The following NCAM1 variants were observed in gnomAD, a reference collection of about 807,000 sequenced individuals.
The protein encoded by NCAM1 is neural cell adhesion molecule 1.
NCAM1 carries 14 observed loss-of-function variants against 109.8 expected under a neutral mutation model. The ratio of observed to expected loss-of-function variants is 0.13; its 90% CI spans 0.08 to 0.20. The LOEUF is 0.20. Among genes scored for constraint, NCAM1 ranks in the 10% least tolerant of loss-of-function variants. NCAM1 has a pLI of 1.00. For synonymous variants in NCAM1, 418 were observed against 442.9 expected (o/e 0.94, Z 0.70); for missense variants, 774 against 1,109.9 (o/e 0.70, Z 4.30).
At chr11:113,151,178 T>A (rs947891427) in intron 1 of NCAM1, among the ~76,000 whole-genome samples, 21 of 152,190 alleles carry the variant, frequency 1.4e-4, no homozygotes, top group African/African-American at 5.1e-4. Flanking sequence ...TGGCTCTTAA[T>A]GACCTGAATC....
chr11:113,116,526 G>A (rs782108075), intron 1 of NCAM1, among the ~76,000 whole-genome samples: 1 of 152,208 alleles, frequency 6.6e-6, no homozygotes, highest in Non-Finnish European at 1.5e-5. Flanking sequence ...AATAAAATGC[G>A]TATTTGCATC....
At chr11:113,201,014 CT>C (rs1248705888) in intron 1 of NCAM1, among the ~76,000 whole-genome samples, 1 of 152,144 alleles carries the variant, frequency 6.6e-6, no homozygotes, top group Admixed American at 6.5e-5. Context: ...CATCTTCCCC[CT>C]GCCTCTGCCC....
chr11:113,262,594 C>A (rs1555123571), intron 17 of NCAM1, among the ~76,000 whole-genome samples: 3 of 152,228 alleles, frequency 2.0e-5, no homozygotes, highest in South Asian at 2.1e-4. Flanking sequence ...CCCTCTCTAA[C>A]CTTTGTCAAT....
intron 1 of NCAM1, among the ~76,000 whole-genome samples, chr11:113,048,455 C>G (rs575225853): frequency 6.6e-6 from 1 of 152,278 alleles, no homozygotes; most frequent in African/African-American, 2.4e-5. Flanking sequence ...AAACTGCTAC[C>G]TGTGGTTGAA....
intron 1 of NCAM1, among the ~76,000 whole-genome samples, chr11:113,169,064 GTGTGTGTC>G (rs781791612): frequency 0.068 from 10,025 of 147,984 alleles, 373 homozygotes; most frequent in East Asian, 0.083. Flanking sequence ...GTGTGTGTGT[GTGTGTGTC>G]TGTGTGTGTG....
At chr11:113,077,212 A>C (rs1262040575) in intron 1 of NCAM1, among the ~76,000 whole-genome samples, 1 of 152,222 alleles carries the variant, frequency 6.6e-6, no homozygotes, top group African/African-American at 2.4e-5. Context: ...TTATAAAGGT[A>C]TGAAGAGACT....
intron 1 of NCAM1, among the ~76,000 whole-genome samples, chr11:113,078,301 C>A (rs539689769): frequency 6.6e-6 from 1 of 152,216 alleles, no homozygotes; most frequent in African/African-American, 2.4e-5. Flanking sequence ...TCTTTAAGGA[C>A]ACGAGTCATT....
chr11:113,161,872 T>C (rs1942610994), intron 1 of NCAM1, among the ~76,000 whole-genome samples: 2 of 152,146 alleles, frequency 1.3e-5, no homozygotes, highest in African/African-American at 4.8e-5. Context: ...CTGCAGAGCC[T>C]TCTATGCCAG....
At chr11:113,215,249 C>T (rs534618850) in intron 8 of NCAM1, among the ~76,000 whole-genome samples, 1 of 152,136 alleles carries the variant, frequency 6.6e-6, no homozygotes, top group African/African-American at 2.4e-5. Context: ...ATCATACAGC[C>T]CTTGATTATT....
chr11:113,208,033 C>G lies in NCAM1; in HGVS notation c.916+31C>G, dbSNP rs570756761. The G allele has an allele frequency of 5.5e-5, 87 of 1,584,140 alleles. 1 individual carries two copies. The South Asian group carries it at 9.3e-4, about 17-fold the overall frequency. On this transcript the variant is annotated intron_variant, in intron 7 of 19. Coordinates refer to ENST00000316851, the MANE Select transcript of NCAM1 (RefSeq NM_181351.5). ...GGCAGTGGGGGCCCAGGTCACTGCT[C>G]TGCCACAATTCCCCTTCCTCTGCAC...
intron 17 of NCAM1, chr11:113,264,601 G>A (rs1483179211): frequency 4.1e-6 from 4 of 985,338 alleles, no homozygotes; most frequent in Non-Finnish European, 3.6e-6. Context: ...GAAGTCACAC[G>A]GCTTCATCCT....
chr11:113,088,543 ATC>A (rs1555088716), intron 1 of NCAM1, among the ~76,000 whole-genome samples: 555 of 10,028 alleles, frequency 0.055, 2 homozygotes, highest in African/African-American at 0.39. Context: ...TGGCATAGCG[ATC>A]TCACTGATCA....
chr11:113,103,438 G>A (rs568430776), intron 1 of NCAM1, among the ~76,000 whole-genome samples: 2 of 152,250 alleles, frequency 1.3e-5, no homozygotes, highest in African/African-American at 4.8e-5. Flanking sequence ...AAGCTGTGTG[G>A]CTTGAAACAA....
intron 1 of NCAM1, among the ~76,000 whole-genome samples, chr11:113,154,651 G>C (rs1297661392): frequency 6.6e-6 from 1 of 152,112 alleles, no homozygotes; most frequent in Non-Finnish European, 1.5e-5. Flanking sequence ...CGCCACACAT[G>C]AACACATAGA....
chr11:112,982,595 A>C (rs1225791686), intron 1 of NCAM1, among the ~76,000 whole-genome samples: 1 of 151,800 alleles, frequency 6.6e-6, no homozygotes. Context: ...TGGAGTTCTG[A>C]TTGTGAGATG....
At chr11:113,255,361 T>C (rs1555122095) in intron 15 of NCAM1, among the ~76,000 whole-genome samples, 1 of 152,094 alleles carries the variant, frequency 6.6e-6, no homozygotes, top group Non-Finnish European at 1.5e-5. Flanking sequence ...GTCCCAAGAA[T>C]GCAGCATTAT....
chr11:113,124,506 C>T (rs1440793606), intron 1 of NCAM1, among the ~76,000 whole-genome samples: 2 of 152,198 alleles, frequency 1.3e-5, no homozygotes, highest in African/African-American at 4.8e-5. Context: ...CTAAGTCCCT[C>T]TCTGTACAGT....
intron 1 of NCAM1, among the ~76,000 whole-genome samples, chr11:112,991,404 G>A (rs548293387): frequency 6.6e-5 from 10 of 152,126 alleles, no homozygotes; most frequent in African/African-American, 2.4e-4. Flanking sequence ...GGCTATTATA[G>A]TTCATCTGAC....
intron 1 of NCAM1, among the ~76,000 whole-genome samples, chr11:113,121,190 T>C (rs1333063292): frequency 2.0e-5 from 3 of 150,714 alleles, no homozygotes; most frequent in African/African-American, 7.3e-5. Flanking sequence ...TGCCATATTT[T>C]GGGATATCAT....
Sources: gnomAD v4.1 joint callset for allele counts (sites outside exome capture counted in the v4.1 genomes callset) on GRCh38, gnomAD v4.1.1 for gene constraint, MANE v1.5 for transcripts, NCBI Gene and HGNC (gene_info 2026-07-23, HGNC 2026-07-21) for gene names.